Variants in SLIT1 observed in about 807,000 individuals in gnomAD.
The protein encoded by SLIT1 is slit guidance ligand 1.
SLIT1 carries 66 observed loss-of-function variants against 186.1 expected under a neutral mutation model. The observed-to-expected ratio is 0.35, with a 90% confidence interval of 0.29 to 0.44. The LOEUF is 0.44. Among genes scored for constraint, SLIT1 ranks in the 20% least tolerant of loss-of-function variants. SLIT1 has a pLI of 1.00. For synonymous variants in SLIT1, 761 were observed against 833.8 expected (o/e 0.91, Z 1.50); for missense variants, 1,638 against 2,037.4 (o/e 0.80, Z 3.77).
chr10:97,167,929 C>A (rs1850141419), intron 1 of SLIT1, among the ~76,000 whole-genome samples: 1 of 152,220 alleles, frequency 6.6e-6, no homozygotes, highest in Non-Finnish European at 1.5e-5. Context: ...CCTCCCCAGC[C>A]CTGTGGAACT....
intron 4 of SLIT1, among the ~76,000 whole-genome samples, chr10:97,091,458 TTTA>T (rs1849231119): frequency 6.6e-6 from 1 of 152,216 alleles, no homozygotes; most frequent in Non-Finnish European, 1.5e-5. Context: ...CAAGGTTTAG[TTTA>T]TTAACCATGT....
intron 4 of SLIT1, among the ~76,000 whole-genome samples, chr10:97,143,746 T>C (rs1388228813): frequency 1.3e-5 from 2 of 152,208 alleles, no homozygotes; most frequent in Non-Finnish European, 1.5e-5. Context: ...GAAGAGTCTT[T>C]GTGAATATGA....
intron 22 of SLIT1, 96 bp from the exon 23 acceptor site, chr10:97,034,638 A>G: frequency 8.8e-7 from 1 of 1,141,262 alleles, no homozygotes. Context: ...GCCCAGGGCC[A>G]TTCCCCAGCC....
intron 1 of SLIT1, among the ~76,000 whole-genome samples, chr10:97,178,752 C>T (rs1216560267): frequency 6.6e-6 from 1 of 150,598 alleles, no homozygotes; most frequent in Non-Finnish European, 1.5e-5. Flanking sequence ...AAAAAATTAC[C>T]TATGAGTGTG....
chr10:97,053,597 C>T (rs775361199), intron 13 of SLIT1, among the ~76,000 whole-genome samples: 8 of 152,170 alleles, frequency 5.3e-5, no homozygotes, highest in Non-Finnish European at 1.2e-4. Context: ...GCAGGGATTA[C>T]AGCGACAACA....
chr10:97,013,793 G>C lies in SLIT1; in HGVS notation c.3151C>G (p.Leu1051Val), dbSNP rs1356424976. ...TGGGCCTCGTGTTGACATGGGTTCA[G>C]ATCCGGAGAGCACAAGTCCACCAGC... ...EQLVDLCSPDLNPCQHEAQCV... is the reference protein window; with the variant it reads ...EQLVDLCSPDVNPCQHEAQCV... The change falls in exon 30 of 37, where the codon CTG becomes GTG. Residue 1051 changes from leucine to valine, a missense_variant. Leu to Val is a conservative substitution (Grantham distance 32). Around this residue, in one of 3 missense-constraint regions of SLIT1, gnomAD observed 1,245 missense variants for 1,535.3 expected, o/e 0.81. Coordinates refer to ENST00000266058, the MANE Select transcript of SLIT1 (RefSeq NM_003061.3). 3 of 1,551,460 alleles carry C rather than the reference G, an allele frequency of 1.9e-6. No homozygotes were observed. The highest frequency in any genetic ancestry group is 2.6e-6 in the Non-Finnish European group (3 of 1,146,922).
intron 4 of SLIT1, among the ~76,000 whole-genome samples, chr10:97,125,505 G>T (rs1849595651): frequency 6.9e-6 from 1 of 144,114 alleles, no homozygotes; most frequent in African/African-American, 2.5e-5. Context: ...CTGCACTCCA[G>T]CCTGGGTGAC....
chr10:97,059,510 G>C lies in SLIT1; in HGVS notation c.1035C>G (p.Ile345Met), dbSNP rs762663611. The C allele has an allele frequency of 5.4e-5, 87 of 1,613,682 alleles. No individual in the cohort carries two copies. The highest frequency in any genetic ancestry group is 7.2e-5 in the Non-Finnish European group (85 of 1,179,956). Residue 345 changes from isoleucine (I) to methionine (M), a missense_variant, in exon 11 of 37, where the codon ATC (isoleucine) becomes ATG (methionine). By Grantham distance (10) the Ile-to-Met change is conservative. Around this residue, in one of 3 missense-constraint regions of SLIT1, gnomAD observed 1,245 missense variants for 1,535.3 expected, o/e 0.81. Transcript: ENST00000266058. ...GGAAGGCGTCGGGTGCAATCTCAGC[G>C]ATCTGATTGTTGCTCAGGTCTCTGC... ...LRRIDLSNNQ[I>M]AEIAPDAFQG...
At chr10:97,160,777 G>C (rs1313857119) in intron 3 of SLIT1, among the ~76,000 whole-genome samples, 1 of 152,314 alleles carries the variant, frequency 6.6e-6, no homozygotes, top group East Asian at 1.9e-4. Context: ...CTGGACTGCA[G>C]CGGCATGATC....
intron 1 of SLIT1, among the ~76,000 whole-genome samples, chr10:97,178,373 G>A (rs1850284368): frequency 1.3e-5 from 2 of 152,208 alleles, no homozygotes; most frequent in Non-Finnish European, 2.9e-5. Context: ...TAATTGTGAG[G>A]AAAGATCAGA....
In SLIT1 at chr10:97,164,832, G is replaced by T. The variant is rs759113485; in HGVS notation, c.256C>A (p.Gln86Lys). ...CCCCATACTCACAGCACCCGCAGCT[G>T]CTTGAGCCCCGCAAAGTCATTCTTA... ...IHKNDFAGLKQLRVLQLMENQ... is the reference protein window; with the variant it reads ...IHKNDFAGLKKLRVLQLMENQ... Residue 86 changes from glutamine (Q) to lysine (K), a missense_variant, in exon 2 of 37, where the codon CAG becomes AAG. Physicochemically the swap from Gln to Lys is moderately conservative, Grantham distance 53 (BLOSUM62 1). This residue lies in a region of SLIT1 where 1,245 missense variants were observed against 1,535.3 expected (regional missense o/e 0.81). Transcript: ENST00000266058. 2 of 1,613,212 alleles carry T rather than the reference G, an allele frequency of 1.2e-6. No individual in the cohort carries two copies. Among genetic ancestry groups the T allele is most frequent in the Non-Finnish European group, 1.7e-6 (2 of 1,179,272 alleles).
rs1850381081 is a variant in SLIT1, at chr10:97,184,237, G to A, written c.197+1241C>T. Among the ~76,000 whole-genome samples, 4 of 152,064 alleles carry A rather than the reference G, an allele frequency of 2.6e-5. No homozygotes were observed. The highest frequency in any genetic ancestry group is 5.9e-5 in the Non-Finnish European group (4 of 68,016). On this transcript the variant is annotated intron_variant, in intron 1 of 36. Coordinates refer to ENST00000266058, the MANE Select transcript of SLIT1 (RefSeq NM_003061.3). The surrounding 1 kb of genome is among the most constrained non-coding windows in gnomAD (Gnocchi z 4.4). ...AGATTTCTGTCTCTGACCAGCTGGG[G>A]GCCATGAAAATGTGCTCGAAAGTTA...
At position 97,140,728 on chromosome 10, in the gene SLIT1, C is replaced by T. The variant is rs1367169953; in HGVS notation, c.413+17090G>A. Among the ~76,000 whole-genome samples the T allele has an allele frequency of 2.0e-5, 3 of 152,192 alleles. No individual in the cohort carries two copies. In the East Asian group the frequency reaches 5.8e-4, roughly 29 times the overall value. ...GGGCGATGGCTGGGTGGGGGCAGCC[C>T]AGGGGAGAACGGGCTCCTCGGCACC... On this transcript the variant is annotated intron_variant, in intron 4 of 36. Transcript: ENST00000266058.
chr10:97,011,070 C>T lies in SLIT1; in HGVS notation c.3264G>A (p.Arg1088=), dbSNP rs1396259090. 1 of 1,613,296 alleles carries T rather than the reference C, an allele frequency of 6.2e-7. No individual in the cohort carries two copies. The highest frequency in any genetic ancestry group is 8.5e-7 in the Non-Finnish European group (1 of 1,179,328). The change falls in exon 31 of 37, where the codon AGG becomes AGA. Residue 1088 remains arginine, a synonymous_variant. Coordinates refer to ENST00000266058, the MANE Select transcript of SLIT1 (RefSeq NM_003061.3). The part of the protein sequence containing the change: ...DNCSENQDDC[R]DHRCQNGAQC... ...GGGCCCCATTCTGGCAGCGGTGGTC[C>T]CTGCAGTCATCCTGGTTCTCACTGC...
At chr10:97,144,115 T>C (rs1430659183) in intron 4 of SLIT1, among the ~76,000 whole-genome samples, 4 of 151,974 alleles carry the variant, frequency 2.6e-5, no homozygotes, top group African/African-American at 9.7e-5. Flanking sequence ...CAAGAATCTC[T>C]TGAACCCGGG....
chr10:97,013,996 C>A (rs766241316), intron 29 of SLIT1, 23 bp downstream of exon 29: 1 of 1,610,934 alleles, frequency 6.2e-7, no homozygotes, highest in Non-Finnish European at 8.5e-7. Flanking sequence ...CTCCCCCAGA[C>A]ACTGCTGCCC....
intron 27 of SLIT1, 133 bp from the exon 28 acceptor site, chr10:97,018,816 A>ATTT (rs1848477333): frequency 3.1e-6 from 2 of 645,830 alleles, no homozygotes; most frequent in South Asian, 3.8e-5. Flanking sequence ...TCATTCGTCC[A>ATTT]CTTCATTCAT....
chr10:97,090,965 C>T (rs956321934), intron 4 of SLIT1, among the ~76,000 whole-genome samples: 6 of 152,230 alleles, frequency 3.9e-5, no homozygotes, highest in African/African-American at 4.8e-5. Context: ...CCCTGCCTCA[C>T]TGCCCCAGGA....
intron 4 of SLIT1, among the ~76,000 whole-genome samples, chr10:97,144,705 G>A (rs561381931): frequency 3.9e-5 from 6 of 152,276 alleles, no homozygotes; most frequent in Non-Finnish European, 8.8e-5. Context: ...AGGATGAAGC[G>A]GGAGCCAGCA....
Sources: allele counts gnomAD v4.1 joint callset (sites outside exome capture counted in the v4.1 genomes callset), GRCh38; gene constraint gnomAD v4.1.1; regional missense constraint gnomAD v4.1.1; non-coding constraint Gnocchi (gnomAD v3.1); transcripts MANE v1.5; gene names NCBI Gene and HGNC (gene_info 2026-07-23, HGNC 2026-07-21).